The following CDC42BPA variants were observed in gnomAD, a reference collection of about 807,000 sequenced individuals.
CDC42BPA encodes CDC42 binding protein kinase alpha.
CDC42BPA carries 80 observed loss-of-function variants against 223.5 expected under a neutral mutation model. That is an observed-to-expected ratio of 0.36 (90% confidence interval 0.30 to 0.43). The LOEUF is 0.43. Ranked by LOEUF, CDC42BPA falls within the 20% of genes least tolerant of loss-of-function variation. The pLI is 1.00. For synonymous variants in CDC42BPA, 694 were observed against 718.6 expected (o/e 0.97, Z 0.55); for missense variants, 1,743 against 2,099.9 (o/e 0.83, Z 3.32).
chr1:227,213,291 T>A (rs1674256351), intron 2 of CDC42BPA, 72 bp from the exon 3 acceptor site: 1 of 738,506 alleles, frequency 1.4e-6, no homozygotes, highest in Admixed American at 2.7e-5. Flanking sequence ...ATTTTCCTTT[T>A]TCCTCTGTAA....
chr1:227,078,562 C>T (rs529193255), intron 17 of CDC42BPA, among the ~76,000 whole-genome samples: 3 of 151,992 alleles, frequency 2.0e-5, no homozygotes, highest in East Asian at 3.8e-4. Context: ...GAGCCAATGG[C>T]GAGAAGGAAG....
intron 21 of CDC42BPA, chr1:227,059,285 C>T: frequency 9.3e-7 from 1 of 1,073,104 alleles, no homozygotes; most frequent in African/African-American, 1.6e-5. Flanking sequence ...ACCACAAAAA[C>T]ATTAACAGGT....
chr1:227,221,805 T>C (rs1156927238), intron 2 of CDC42BPA, among the ~76,000 whole-genome samples: 2 of 151,832 alleles, frequency 1.3e-5, no homozygotes, highest in Non-Finnish European at 2.9e-5. Context: ...CCATAGAAAC[T>C]AGAATCCCTC....
chr1:227,015,714 C>G (rs1275129355), intron 34 of CDC42BPA, among the ~76,000 whole-genome samples: 1 of 151,756 alleles, frequency 6.6e-6, no homozygotes, highest in Non-Finnish European at 1.5e-5. Flanking sequence ...GGCCAAATAT[C>G]TGTATTGATT....
chr1:227,261,547 G>A (rs1280411911), intron 1 of CDC42BPA, among the ~76,000 whole-genome samples: 1 of 151,668 alleles, frequency 6.6e-6, no homozygotes, highest in East Asian at 1.9e-4. Context: ...ACAACCATGA[G>A]AGATTTTAAA....
intron 1 of CDC42BPA, among the ~76,000 whole-genome samples, chr1:227,290,648 A>C (rs923631471): frequency 6.6e-6 from 1 of 152,200 alleles, no homozygotes; most frequent in African/African-American, 2.4e-5. Flanking sequence ...AGGCATTCAG[A>C]GGAGGGATAT....
intron 6 of CDC42BPA, among the ~76,000 whole-genome samples, chr1:227,150,977 AATT>A (rs1179715961): frequency 6.6e-6 from 1 of 151,988 alleles, no homozygotes; most frequent in Admixed American, 6.5e-5. Context: ...TTAAATTTTT[AATT>A]ATTATTTTTA....
At chr1:227,214,829 G>T (rs1239356909) in intron 2 of CDC42BPA, among the ~76,000 whole-genome samples, 1 of 152,130 alleles carries the variant, frequency 6.6e-6, no homozygotes, top group Non-Finnish European at 1.5e-5. Context: ...AATAACAGTA[G>T]TGGTAGTAGT....
At chr1:227,107,785 G>C (rs1686195743) in intron 14 of CDC42BPA, among the ~76,000 whole-genome samples, 2 of 152,130 alleles carry the variant, frequency 1.3e-5, no homozygotes, top group Admixed American at 1.3e-4. Context: ...TAGGTCTGCA[G>C]AGATTTTCTA....
chr1:227,187,795 T>C (rs1669080580), intron 5 of CDC42BPA, among the ~76,000 whole-genome samples: 1 of 147,896 alleles, frequency 6.8e-6, no homozygotes, highest in South Asian at 2.1e-4. Flanking sequence ...ACCTTATGCA[T>C]AGAGGAACAA....
chr1:227,278,916 A>C (rs2148548651), intron 1 of CDC42BPA, among the ~76,000 whole-genome samples: 1 of 152,194 alleles, frequency 6.6e-6, no homozygotes, highest in Non-Finnish European at 1.5e-5. Flanking sequence ...TGAAGATGTG[A>C]TTTTAGAGAA....
At chr1:227,202,491 T>C (rs894424093) in intron 3 of CDC42BPA, among the ~76,000 whole-genome samples, 1 of 152,172 alleles carries the variant, frequency 6.6e-6, no homozygotes, top group East Asian at 1.9e-4. Flanking sequence ...AGTTAGAATT[T>C]AATAAACATT....
intron 2 of CDC42BPA, chr1:227,219,353 A>T (rs1675428507): frequency 6.6e-6 from 1 of 152,262 alleles, no homozygotes; most frequent in African/African-American, 2.4e-5. Flanking sequence ...AGGCTGGAGC[A>T]GGCAGAAGCG....
intron 5 of CDC42BPA, among the ~76,000 whole-genome samples, chr1:227,176,558 T>C (rs544149285): frequency 1.3e-5 from 2 of 152,196 alleles, no homozygotes; most frequent in African/African-American, 4.8e-5. Context: ...CCACAGCATA[T>C]AGCCATTAAT....
rs576116655 is a variant in CDC42BPA at position 227,233,717 on chromosome 1, G to A, written c.270+20347C>T. Among the ~76,000 whole-genome samples the A allele has an allele frequency of 6.6e-5, 10 of 152,254 alleles. No individual in the cohort carries two copies. The East Asian group carries it at 1.9e-3, about 29-fold the overall frequency. ...GGAGGCTGAGGTGGGCAGATCACCTGAGGTCAGGAGTTTGAGATCAGCCTG... is the reference window on the plus strand; with the variant it reads ...GGAGGCTGAGGTGGGCAGATCACCTAAGGTCAGGAGTTTGAGATCAGCCTG... On this transcript the variant is annotated intron_variant, in intron 2 of 36. Transcript: ENST00000366766.
In CDC42BPA at chr1:227,139,569, T is replaced by C. The variant is rs371224944; in HGVS notation, c.1390+7A>G. The C allele has an allele frequency of 2.0e-5, 30 of 1,517,500 alleles. No homozygotes were observed. Among genetic ancestry groups the C allele is most frequent in the Non-Finnish European group, 2.5e-5 (28 of 1,127,344 alleles). 94.0% of individuals were successfully genotyped at this position (1,517,500 alleles called of 1,614,324 possible). A position where few individuals can be genotyped will look rare whatever the true frequency, so the allele number is the denominator to read the frequency against. On this transcript the variant is annotated splice_region_variant and intron_variant, in intron 10 of 36. Transcript: ENST00000366766. ...AAAAAGTGAAAATATATTTAAAATA[T>C]ATTTACCTTGAAGTTTTCTACTGAG...
At chr1:227,072,792 A>G (rs913134218) in intron 19 of CDC42BPA, among the ~76,000 whole-genome samples, 20 of 152,048 alleles carry the variant, frequency 1.3e-4, no homozygotes, top group African/African-American at 4.6e-4. Context: ...ACTTATGAAC[A>G]ATATGTAAAC....
chr1:227,252,161 G>C (rs573343502), intron 2 of CDC42BPA, among the ~76,000 whole-genome samples: 1 of 151,696 alleles, frequency 6.6e-6, no homozygotes, highest in Non-Finnish European at 1.5e-5. Context: ...ATATTATAAA[G>C]TGCAGAAATT....
intron 1 of CDC42BPA, among the ~76,000 whole-genome samples, chr1:227,301,687 T>C (rs1691660803): frequency 6.6e-6 from 1 of 152,184 alleles, no homozygotes; most frequent in African/African-American, 2.4e-5. Context: ...CTGTAAAAAC[T>C]ACAGCTGTTT....
Sources: allele counts gnomAD v4.1 joint callset (sites outside exome capture counted in the v4.1 genomes callset), GRCh38; gene constraint gnomAD v4.1.1; transcripts MANE v1.5; gene names NCBI Gene and HGNC (gene_info 2026-07-23, HGNC 2026-07-21).